MARK2: variants seen among roughly 807,000 people sequenced by gnomAD.
MARK2 encodes the protein microtubule affinity regulating kinase 2.
Under a neutral mutation model 89.8 loss-of-function variants are expected in MARK2, and 16 were observed. The observed-to-expected ratio is 0.18, with a 90% CI of 0.12 to 0.27. The LOEUF is 0.27. MARK2 is among the 10% of genes least tolerant of loss of function. The probability of loss-of-function intolerance (pLI) is 1.00; values close to 1 mark genes in which losing one functional copy is unlikely to be tolerated. For synonymous variants in MARK2, 382 were observed against 399.5 expected, an observed-to-expected ratio of 0.96 and a Z score of 0.52; for missense variants, 621 against 1,049.9, an observed-to-expected ratio of 0.59 and a Z score of 5.65.
intron 1 of MARK2, chr11:63,888,489 G>A: frequency 1.0e-6 from 1 of 998,164 alleles, no homozygotes; most frequent in Non-Finnish European, 1.2e-6. Context: ...CTTCCGGGGA[G>A]GGGGGGAGGG....
At chr11:63,894,655 C>A (rs1434235322) in intron 1 of MARK2, among the ~76,000 whole-genome samples, 1 of 152,154 alleles carries the variant, frequency 6.6e-6, no homozygotes, top group Admixed American at 6.5e-5. Context: ...GAGATCGCAC[C>A]ATTGCACTCC....
At chr11:63,857,389 C>T (rs1044237938) in intron 1 of MARK2, among the ~76,000 whole-genome samples, 2 of 151,252 alleles carry the variant, frequency 1.3e-5, no homozygotes, top group African/African-American at 2.5e-5. Flanking sequence ...CCATGTTGGT[C>T]AGGCTGGTCT....
chr11:63,891,951 G>A (rs993409295), intron 1 of MARK2, among the ~76,000 whole-genome samples: 8 of 152,202 alleles, frequency 5.3e-5, no homozygotes, highest in Admixed American at 2.0e-4. Flanking sequence ...TCCAAGGGGT[G>A]TGAACCCTAG....
At chr11:63,876,918 A>G (rs1413693887) in intron 1 of MARK2, among the ~76,000 whole-genome samples, 1 of 151,924 alleles carries the variant, frequency 6.6e-6, no homozygotes, top group African/African-American at 2.4e-5. Context: ...GCACGAGCTA[A>G]TCTCACTGAA....
intron 1 of MARK2, among the ~76,000 whole-genome samples, chr11:63,881,176 G>A (rs1259576872): frequency 1.3e-5 from 2 of 151,994 alleles, no homozygotes; most frequent in African/African-American, 4.8e-5. Flanking sequence ...ATGGTGGTGG[G>A]CACCTGTAAT....
intron 16 of MARK2, among the ~76,000 whole-genome samples, chr11:63,905,300 C>T (rs996651132): frequency 3.3e-5 from 5 of 152,238 alleles, no homozygotes; most frequent in African/African-American, 9.7e-5. Context: ...TGGCCGATGC[C>T]GCCTCCTCTC....
At position 63,910,101 on chromosome 11, in the gene MARK2, C is replaced by T. The variant is rs148805165; in HGVS notation, c.*864C>T. 0.021 allele frequency: 3,270 copies of T among 152,482 alleles called. 49 individuals carry two copies. Among genetic ancestry groups the T allele is most frequent in the Middle Eastern group, 0.061 (18 of 296 alleles). 9.4% of individuals were successfully genotyped at this position (152,482 alleles called of 1,614,324 possible). Reference sequence around the variant, plus strand: ...TGGGAGAGGGGAGGGGACTGGAGGGCAGACTGGCTTCTCGGTCCCCAGGGG... The same window carrying T: ...TGGGAGAGGGGAGGGGACTGGAGGGTAGACTGGCTTCTCGGTCCCCAGGGG... On this transcript the variant is annotated 3_prime_UTR_variant, in exon 19 of 19. Transcript: ENST00000402010.
At chr11:63,863,030 C>T (rs146441462) in intron 1 of MARK2, among the ~76,000 whole-genome samples, 169 of 152,320 alleles carry the variant, frequency 1.1e-3, no homozygotes, top group African/African-American at 3.8e-3. Flanking sequence ...CTGCCAGCAG[C>T]CCTGAACACC....
chr11:63,870,110 A>G (rs977346457), intron 1 of MARK2, among the ~76,000 whole-genome samples: 12 of 152,232 alleles, frequency 7.9e-5, no homozygotes, highest in Non-Finnish European at 1.6e-4. Flanking sequence ...CAACGGCAGA[A>G]GGCAAGCTGG....
At chr11:63,889,779 C>T (rs947404979) in intron 1 of MARK2, among the ~76,000 whole-genome samples, 2 of 152,220 alleles carry the variant, frequency 1.3e-5, no homozygotes, top group African/African-American at 4.8e-5. Flanking sequence ...CAGGGTGACC[C>T]CTTATTCTTT....
chr11:63,874,822 G>GT (rs900786733), intron 1 of MARK2, among the ~76,000 whole-genome samples: 8 of 152,208 alleles, frequency 5.3e-5, no homozygotes, highest in African/African-American at 1.7e-4. Context: ...TCAGGGTAGA[G>GT]TGGAGATACC....
At chr11:63,866,310 C>T (rs1237619757) in intron 1 of MARK2, among the ~76,000 whole-genome samples, 1 of 150,526 alleles carries the variant, frequency 6.6e-6, no homozygotes, top group Non-Finnish European at 1.5e-5. Flanking sequence ...AGAGATTGTG[C>T]CACTTTACTC....
At chr11:63,898,867 G>A (rs747314341) in intron 6 of MARK2, 34 bp downstream of exon 6, 1 of 1,591,560 alleles carries the variant, frequency 6.3e-7, no homozygotes, top group Non-Finnish European at 8.6e-7. Flanking sequence ...AGCTAGGCCT[G>A]ACCTCTGCTT....
intron 1 of MARK2, among the ~76,000 whole-genome samples, chr11:63,843,699 A>C (rs1236953064): frequency 4.0e-5 from 6 of 151,352 alleles, no homozygotes. Context: ...ATCTCGGCTC[A>C]CTGCAACCTC....
At position 63,847,168 on chromosome 11, in the gene MARK2, ATGTC is replaced by A. The variant is rs1311364388; in HGVS notation, c.54+7614_54+7617del. Among the ~76,000 whole-genome samples the A allele has an allele frequency of 5.9e-5, 9 of 152,316 alleles. No individual in the cohort carries two copies. The East Asian group carries it at 1.7e-3, about 29-fold the overall frequency. On this transcript the variant is annotated intron_variant, in intron 1 of 18. Transcript: ENST00000402010. The stretch of plus-strand genomic sequence containing the variant: ...GTCCCTGTGGTGGTTCTTTCCGCAG[ATGTC>A]TGTCTTTGGGTTGGCACTTATTTCC...
At chr11:63,887,466 G>A (rs1481763634) in intron 1 of MARK2, among the ~76,000 whole-genome samples, 4 of 152,326 alleles carry the variant, frequency 2.6e-5, no homozygotes, top group South Asian at 2.1e-4. Context: ...TGCTGAATCC[G>A]TTGGCCAGGG....
chr11:63,888,460 G>A (rs1329902413), intron 1 of MARK2: 24 of 940,176 alleles, frequency 2.6e-5, no homozygotes, highest in Non-Finnish European at 3.1e-5. Flanking sequence ...AAGCACCTTG[G>A]GGAGGGTGGG....
intron 1 of MARK2, among the ~76,000 whole-genome samples, chr11:63,856,494 C>T (rs2016857305): frequency 6.6e-6 from 1 of 151,070 alleles, no homozygotes; most frequent in Non-Finnish European, 1.5e-5. Flanking sequence ...GTGATCTCAG[C>T]TCATTGCAGC....
At position 63,903,341 on chromosome 11, in the gene MARK2, C is replaced by G. The variant is rs1333855952; in HGVS notation, c.1514+183C>G. The G allele has an allele frequency of 1.7e-6, 1 of 595,096 alleles. No homozygotes were observed. Among genetic ancestry groups the G allele is most frequent in the Non-Finnish European group, 3.0e-6 (1 of 331,760 alleles). The allele number at this position is 595,096 out of a possible 1,614,324, so 36.9% of individuals were successfully genotyped here. A position where few individuals can be genotyped will look rare whatever the true frequency, so the allele number is the denominator to read the frequency against. ...TTCCACGCCATTGCCTCCTCCCCAT[C>G]TTCCTCTGACTGCTACTTGCAGTTT... is the stretch of plus-strand genomic sequence containing the variant. On this transcript the variant is annotated intron_variant, in intron 14 of 18. Transcript: ENST00000402010. The surrounding 1 kb of genome is among the most constrained non-coding windows in gnomAD (Gnocchi z 5.1).
Sources: allele counts gnomAD v4.1 joint callset (sites outside exome capture counted in the v4.1 genomes callset), GRCh38; gene constraint gnomAD v4.1.1; non-coding constraint Gnocchi (gnomAD v3.1); transcripts MANE v1.5; gene names NCBI Gene and HGNC (gene_info 2026-07-23, HGNC 2026-07-21).